ZFHX3: variants seen among roughly 807,000 people sequenced by gnomAD.
ZFHX3 encodes zinc finger homeobox 3.
Under a neutral mutation model 279.1 loss-of-function variants are expected in ZFHX3, and 42 were observed. The observed-to-expected ratio is 0.15, with a 90% CI of 0.12 to 0.19. ZFHX3 has a LOEUF of 0.19. ZFHX3 is among the 10% of genes least tolerant of loss of function. ZFHX3 has a pLI of 1.00. For missense variants in ZFHX3, 4,981 were observed against 4,754.0 expected (o/e 1.05, Z -1.40); for synonymous variants, 2,293 against 1,957.8 (o/e 1.17, Z -4.52).
intron 1 of ZFHX3, among the ~76,000 whole-genome samples, chr16:73,027,903 G>A (rs565756800): frequency 2.0e-5 from 3 of 152,248 alleles, no homozygotes; most frequent in African/African-American, 4.8e-5. Context: ...ACTGCCGGGT[G>A]CCTTGCACTC....
intron 5 of ZFHX3, among the ~76,000 whole-genome samples, chr16:73,213,842 C>A (rs952604560): frequency 6.6e-6 from 1 of 152,144 alleles, no homozygotes; most frequent in Non-Finnish European, 1.5e-5. Flanking sequence ...TCTGGCTGAA[C>A]ATCAGCTGTC....
intron 4 of ZFHX3, among the ~76,000 whole-genome samples, chr16:73,269,314 T>C (rs6420387): frequency 0.69 from 105,081 of 152,126 alleles, 37,314 homozygotes; most frequent in African/African-American, 0.86. Context: ...CTTTCTTGTT[T>C]GTTTCTCGTC....
rs1276233974 is a variant in ZFHX3 at position 73,198,210 on chromosome 16, T to TA, written c.-1103-54380dup. Among the ~76,000 whole-genome samples the TA allele has an allele frequency of 7.9e-5, 12 of 152,160 alleles. No individual in the cohort carries two copies. In the East Asian group the frequency reaches 2.1e-3, roughly 27 times the overall value. On this transcript the variant is annotated intron_variant, in intron 5 of 17. Transcript: ENST00000641206. ...CCTCAGGCTCCCAAAGTGTTAAGAT[T>TA]ACAGGTGTGAGCCACCATGCCCAGC...
intron 1 of ZFHX3, among the ~76,000 whole-genome samples, chr16:73,697,843 G>T (rs374975570): frequency 6.6e-6 from 1 of 152,056 alleles, no homozygotes; most frequent in East Asian, 1.9e-4. Context: ...GCTGGAAAAC[G>T]TATGTTTATT....
Position 72,939,849 on chromosome 16 carries a change from CT to C in ZFHX3, c.3216+10619del, listed in dbSNP as rs376911983. Among the ~76,000 whole-genome samples the C allele has an allele frequency of 4.6e-3, 694 of 152,310 alleles. 6 individuals are homozygous for C. The highest frequency in any genetic ancestry group is 0.016 in the African/African-American group (670 of 41,570). On this transcript the variant is annotated intron_variant, in intron 3 of 9. Coordinates refer to ENST00000268489, the MANE Select transcript of ZFHX3 (RefSeq NM_006885.4). ...GTTGTGTGCAGTGCTGTGATCATGG[CT>C]CACTGCAGCCTTGACCTCCTCGGCT...
intron 6 of ZFHX3, chr16:73,137,326 C>G (rs1966812014): frequency 6.6e-6 from 1 of 152,106 alleles, no homozygotes; most frequent in Non-Finnish European, 1.5e-5. Flanking sequence ...GGCTCAGGGA[C>G]TGTAAACCCA....
intron 1 of ZFHX3, among the ~76,000 whole-genome samples, chr16:73,890,087 C>T (rs928222388): frequency 1.3e-5 from 2 of 152,040 alleles, no homozygotes; most frequent in African/African-American, 4.8e-5. Flanking sequence ...AGTCCATTCT[C>T]CCAAAGAAGT....
chr16:73,489,558 C>A (rs2019026148), intron 2 of ZFHX3, among the ~76,000 whole-genome samples: 1 of 152,170 alleles, frequency 6.6e-6, no homozygotes, highest in African/African-American at 2.4e-5. Flanking sequence ...CAAATTGCAA[C>A]AAATACCAAT....
intron 1 of ZFHX3, among the ~76,000 whole-genome samples, chr16:73,782,522 T>C (rs1959507272): frequency 6.6e-6 from 1 of 152,220 alleles, no homozygotes; most frequent in Non-Finnish European, 1.5e-5. Context: ...GTTATTCATC[T>C]GCCATCCTTC....
At chr16:73,436,774 G>C (rs566515640) in intron 3 of ZFHX3, among the ~76,000 whole-genome samples, 19 of 152,146 alleles carry the variant, frequency 1.2e-4, no homozygotes, top group Admixed American at 3.3e-4. Flanking sequence ...AGTCAGGGGA[G>C]GGTGGGGTGG....
chr16:73,778,236 TAAAAAAAAAAAA>T (rs10654824), intron 1 of ZFHX3, among the ~76,000 whole-genome samples: 3 of 58,706 alleles, frequency 5.1e-5, no homozygotes, highest in Non-Finnish European at 8.5e-5. Context: ...GAAGGAGTGT[TAAAAAAAAAAAA>T]AAAAAAAAAA....
At position 73,427,742 on chromosome 16, in the gene ZFHX3, C is replaced by T. The variant is rs377335271; in HGVS notation, c.-1291+28261G>A. On this transcript the variant is annotated intron_variant, in intron 3 of 17. Coordinates refer to the ZFHX3 transcript ENST00000641206. Reference sequence around the variant, plus strand: ...CGAGGTCAGGAGTTCAAGACCAGCCCGGCCAATATGGTGAAACCCTGTCTC... The same window carrying T: ...CGAGGTCAGGAGTTCAAGACCAGCCTGGCCAATATGGTGAAACCCTGTCTC... 9.3e-4 allele frequency among the ~76,000 whole-genome samples: 141 copies of T among 151,814 alleles called. 1 individual carries two copies. Among genetic ancestry groups the T allele is most frequent in the African/African-American group, 3.1e-3 (128 of 41,394 alleles).
chr16:73,180,041 A>T (rs1016279957), intron 5 of ZFHX3, among the ~76,000 whole-genome samples: 4 of 152,218 alleles, frequency 2.6e-5, no homozygotes, highest in African/African-American at 9.6e-5. Flanking sequence ...GTGATAAATC[A>T]AGGGAGATAT....
At chr16:73,759,098 T>C (rs1022679025) in intron 1 of ZFHX3, among the ~76,000 whole-genome samples, 2 of 152,224 alleles carry the variant, frequency 1.3e-5, no homozygotes, top group Non-Finnish European at 2.9e-5. Context: ...TAGGTGAGGA[T>C]GATTTAACCA....
intron 3 of ZFHX3, among the ~76,000 whole-genome samples, chr16:72,900,768 A>T (rs2039015450): frequency 6.6e-6 from 1 of 152,166 alleles, no homozygotes; most frequent in South Asian, 2.1e-4. Flanking sequence ...AAGAATCTGC[A>T]TTTCTAACAG....
chr16:72,970,616 C>CA (rs1962061734), intron 1 of ZFHX3, among the ~76,000 whole-genome samples: 1 of 152,210 alleles, frequency 6.6e-6, no homozygotes, highest in African/African-American at 2.4e-5. Flanking sequence ...TGCAAGCCCG[C>CA]AGCTCACAAC....
chr16:72,851,363 C>T (rs1366646456), intron 4 of ZFHX3, among the ~76,000 whole-genome samples: 5 of 152,266 alleles, frequency 3.3e-5, no homozygotes, highest in South Asian at 2.1e-4. Context: ...GGAGATACCC[C>T]GACAAGGGGC....
intron 1 of ZFHX3, among the ~76,000 whole-genome samples, chr16:73,032,295 C>T (rs1964733820): frequency 6.6e-6 from 1 of 152,114 alleles, no homozygotes; most frequent in Admixed American, 6.5e-5. Flanking sequence ...GAACAAGACC[C>T]TGTCTCAAAA....
intron 5 of ZFHX3, among the ~76,000 whole-genome samples, chr16:73,198,796 G>T (rs776416272): frequency 3.3e-5 from 5 of 152,202 alleles, no homozygotes; most frequent in Non-Finnish European, 5.9e-5. Context: ...CAGGAGGGAA[G>T]CAAGTTCTCC....
Sources: allele counts gnomAD v4.1 joint callset (sites outside exome capture counted in the v4.1 genomes callset), GRCh38; gene constraint gnomAD v4.1.1; transcripts MANE v1.5; gene names NCBI Gene and HGNC (gene_info 2026-07-23, HGNC 2026-07-21).